Variants in CHD7 observed in about 807,000 individuals in gnomAD.
CHD7 encodes the protein ATP-dependent chromatin remodeler CHD7.
A neutral mutation model predicts 307.3 loss-of-function variants in CHD7; 24 were observed. That is an observed-to-expected ratio of 0.08 (90% CI 0.06 to 0.11). CHD7 has a LOEUF of 0.11. CHD7 is among the 10% of genes least tolerant of loss of function. The pLI, the probability that CHD7 is intolerant of heterozygous loss-of-function variation, is 1.00. For missense variants in CHD7, 3,106 were observed against 3,727.1 expected (o/e 0.83, Z 4.34); for synonymous variants, 1,363 against 1,349.9 (o/e 1.01, Z -0.21).
chr8:60,768,162 ACC>A (rs1020804760), intron 2 of CHD7, among the ~76,000 whole-genome samples: 1 of 151,822 alleles, frequency 6.6e-6, no homozygotes, highest in African/African-American at 2.4e-5. Flanking sequence ...TACTTCCCCC[ACC>A]CCGTCTTACA....
Position 60,845,020 on chromosome 8 carries a change from A to G in CHD7, c.5007A>G (p.Thr1669=). Residue 1669 remains threonine (T), a synonymous_variant, in exon 22 of 38, where the codon ACA becomes ACG. Transcript: ENST00000423902. The part of the protein sequence containing the change: ...NIKSFIWDLI[T]PTADGQTRAL... ...AAAGCTTCATCTGGGATCTGATCAC[A>G]CCCACAGCGGATGGCCAGACTCGAG... 1 of 1,613,970 alleles carries G rather than the reference A, an allele frequency of 6.2e-7. No homozygotes were observed. The highest frequency in any genetic ancestry group is 1.3e-5 in the African/African-American group (1 of 75,030).
intron 1 of CHD7, among the ~76,000 whole-genome samples, chr8:60,713,090 C>T (rs1403059896): frequency 6.9e-6 from 1 of 143,946 alleles, no homozygotes; most frequent in Non-Finnish European, 1.5e-5. Context: ...GATTAAATTG[C>T]TATAGAGATT....
Position 60,741,966 on chromosome 8 carries a change from T to G in CHD7, c.534T>G (p.Pro178=). The G allele has an allele frequency of 6.2e-7, 1 of 1,613,696 alleles. No individual in the cohort carries two copies. The highest frequency in any genetic ancestry group is 1.3e-5 in the African/African-American group (1 of 75,028). The change falls in exon 2 of 38, where the codon CCT becomes CCG. Residue 178 remains proline, a synonymous_variant. Coordinates refer to ENST00000423902, the MANE Select transcript of CHD7 (RefSeq NM_017780.4). The part of the protein sequence containing the change: ...QPPQPAPSGP[P]AQGHPQHMQQ... ...CGCAGCCGGCTCCGTCGGGGCCCCC[T>G]GCACAGGGCCACCCTCAGCACATGC...
chr8:60,808,300 T>C (rs1563618256), intron 7 of CHD7, 28 bp downstream of exon 7: 8 of 1,298,178 alleles, frequency 6.2e-6, no homozygotes, highest in Non-Finnish European at 8.8e-6. Context: ...CTGTTTTTAA[T>C]GGGGGGCTAT....
At chr8:60,806,082 G>T (rs1444659832) in intron 6 of CHD7, among the ~76,000 whole-genome samples, 1 of 152,098 alleles carries the variant, frequency 6.6e-6, no homozygotes, top group East Asian at 1.9e-4. Context: ...AAAATGGGAG[G>T]CTGGGCGCAG....
At chr8:60,704,662 G>A (rs1419794963) in intron 1 of CHD7, among the ~76,000 whole-genome samples, 1 of 151,386 alleles carries the variant, frequency 6.6e-6, no homozygotes. Context: ...AGAAGTGGGT[G>A]GGTCTGAGAA....
intron 17 of CHD7, among the ~76,000 whole-genome samples, chr8:60,837,217 C>G (rs1237483714): frequency 1.3e-5 from 2 of 152,140 alleles, no homozygotes; most frequent in African/African-American, 2.4e-5. Context: ...TAAACTGCAC[C>G]TCTATTTATT....
At position 60,699,684 on chromosome 8, in the gene CHD7, CAAGACCTT is replaced by C. The variant is rs547141366; in HGVS notation, c.-175+20606_-175+20613del. 4.0e-3 allele frequency among the ~76,000 whole-genome samples: 615 copies of C among 152,168 alleles called. 4 individuals are homozygous for C. The highest frequency in any genetic ancestry group is 0.014 in the African/African-American group (567 of 41,506). On this transcript the variant is annotated intron_variant, in intron 1 of 37. Transcript: ENST00000423902. ...CTGTAGAAAATTATAATAAATAGGG[CAAGACCTT>C]AAGGAGTTTCTAGTCCATCTCCATT...
At chr8:60,847,968 T>G (rs1293405084) in intron 23 of CHD7, among the ~76,000 whole-genome samples, 1 of 152,214 alleles carries the variant, frequency 6.6e-6, no homozygotes, top group Non-Finnish European at 1.5e-5. Context: ...TGTCACCATC[T>G]TCCTTTCTCG....
intron 1 of CHD7, among the ~76,000 whole-genome samples, chr8:60,690,250 A>C (rs1425693429): frequency 6.6e-6 from 1 of 152,178 alleles, no homozygotes. Flanking sequence ...CGAATAGTCT[A>C]TGATGGTGTA....
At chr8:60,758,424 T>C (rs1467187748) in intron 2 of CHD7, among the ~76,000 whole-genome samples, 3 of 152,200 alleles carry the variant, frequency 2.0e-5, no homozygotes, top group African/African-American at 7.2e-5. Context: ...GCACCCAGTC[T>C]ACAATATTTT....
intron 2 of CHD7, among the ~76,000 whole-genome samples, chr8:60,749,144 G>C (rs1648497069): frequency 6.6e-6 from 1 of 151,722 alleles, no homozygotes; most frequent in African/African-American, 2.4e-5. Flanking sequence ...AGGTCGAGGT[G>C]GGTGGATCAC....
chr8:60,854,594 G>C, intron 32 of CHD7, 71 bp downstream of exon 32: 1 of 1,327,144 alleles, frequency 7.5e-7, no homozygotes, highest in Non-Finnish European at 1.0e-6. Flanking sequence ...TTTCTAGCTT[G>C]ATTTTTCAAG....
chr8:60,804,710 G>A (rs1028144365), intron 6 of CHD7, among the ~76,000 whole-genome samples: 4 of 152,104 alleles, frequency 2.6e-5, no homozygotes, highest in Non-Finnish European at 5.9e-5. Context: ...TTAGTTTCTT[G>A]ACTGTGACTA....
chr8:60,737,283 G>C (rs1474327197), intron 1 of CHD7, among the ~76,000 whole-genome samples: 1 of 152,098 alleles, frequency 6.6e-6, no homozygotes, highest in Non-Finnish European at 1.5e-5. Flanking sequence ...ACTTCTATTT[G>C]CTGATGGCAG....
intron 1 of CHD7, among the ~76,000 whole-genome samples, chr8:60,681,061 A>AGG (rs947039507): frequency 6.6e-6 from 1 of 152,098 alleles, no homozygotes; most frequent in African/African-American, 2.4e-5. Context: ...TCGGTAAGGG[A>AGG]GGGAGTACTC....
intron 2 of CHD7, among the ~76,000 whole-genome samples, chr8:60,747,254 T>A (rs1022519883): frequency 4.6e-5 from 7 of 151,894 alleles, no homozygotes; most frequent in Non-Finnish European, 1.0e-4. Flanking sequence ...TTTTTTGTAT[T>A]TTTAGTAGAG....
intron 2 of CHD7, among the ~76,000 whole-genome samples, chr8:60,771,806 G>A (rs1012287100): frequency 2.6e-5 from 4 of 152,186 alleles, no homozygotes; most frequent in African/African-American, 9.7e-5. Flanking sequence ...TTCAGCTCCT[G>A]AAGTCTGCCT....
chr8:60,732,000 C>A (rs1808477803), intron 1 of CHD7, among the ~76,000 whole-genome samples: 1 of 152,232 alleles, frequency 6.6e-6, no homozygotes, highest in African/African-American at 2.4e-5. Flanking sequence ...CAGGTTTATT[C>A]ATGATGGATA....
Sources: allele counts gnomAD v4.1 joint callset (sites outside exome capture counted in the v4.1 genomes callset), GRCh38; gene constraint gnomAD v4.1.1; transcripts MANE v1.5; gene names NCBI Gene and HGNC (gene_info 2026-07-23, HGNC 2026-07-21).